Variants in HIVEP1 observed in about 807,000 individuals in gnomAD.
The protein encoded by HIVEP1 is zinc finger protein 40.
In HIVEP1, 36 loss-of-function variants were observed where a neutral mutation model predicts 180.0. That is an observed-to-expected ratio of 0.20 (90% confidence interval 0.15 to 0.26). The LOEUF is 0.26. Among genes scored for constraint, HIVEP1 ranks in the 10% least tolerant of loss-of-function variants. The pLI is 1.00. For missense variants in HIVEP1, 3,143 were observed against 3,268.7 expected (o/e 0.96, Z 0.94); for synonymous variants, 1,239 against 1,239.0 (o/e 1.00, Z 0.00).
At chr6:12,083,990 T>C (rs1262510629) in intron 2 of HIVEP1, among the ~76,000 whole-genome samples, 1 of 152,148 alleles carries the variant, frequency 6.6e-6, no homozygotes, top group East Asian at 1.9e-4. Flanking sequence ...TGAAATACTG[T>C]AGAATGCCTT....
Position 12,125,005 on chromosome 6 carries a change from A to G in HIVEP1, c.5210A>G (p.Gln1737Arg). 1 of 1,614,188 alleles carries G rather than the reference A, an allele frequency of 6.2e-7. No individual in the cohort carries two copies. The highest frequency in any genetic ancestry group is 8.5e-7 in the Non-Finnish European group (1 of 1,180,042). ...QKISVGRLSPQQESSASSKRM... is the reference protein window; with the variant it reads ...QKISVGRLSPRQESSASSKRM... The stretch of plus-strand genomic sequence containing the variant: ...ATATCTGTTGGTCGACTTTCCCCTC[A>G]ACAAGAATCTTCAGCTTCGAGTAAA... The change falls in exon 4 of 9, where the codon CAA becomes CGA. Residue 1737 changes from glutamine to arginine, a missense_variant. Physicochemically the swap from Gln to Arg is conservative, Grantham distance 43. Coordinates refer to ENST00000379388, the MANE Select transcript of HIVEP1 (RefSeq NM_002114.4).
chr6:12,129,291 C>T (rs906561631), intron 4 of HIVEP1, among the ~76,000 whole-genome samples: 5 of 152,168 alleles, frequency 3.3e-5, no homozygotes, highest in African/African-American at 9.7e-5. Flanking sequence ...TTATAATGCA[C>T]TGAAGCTGAA....
chr6:12,009,244 C>A (rs1395382847), upstream of HIVEP1, among the ~76,000 whole-genome samples: 1 of 150,186 alleles, frequency 6.7e-6, no homozygotes, highest in Non-Finnish European at 1.5e-5. Flanking sequence ...GGAACCCGAG[C>A]CGTGGACGCA....
intron 3 of HIVEP1, among the ~76,000 whole-genome samples, chr6:12,111,238 G>C (rs1774873294): frequency 6.6e-6 from 1 of 152,234 alleles, no homozygotes; most frequent in Non-Finnish European, 1.5e-5. Flanking sequence ...GCATATGTTT[G>C]GAGAAATGGT....
chr6:12,200,413 T>C, the HIVEP1 span, among the ~76,000 whole-genome samples: 2 of 152,248 alleles, frequency 1.3e-5, no homozygotes, highest in African/African-American at 2.4e-5. Flanking sequence ...GTTATGGAGC[T>C]GTAACACTGC....
chr6:12,206,850 A>G, the HIVEP1 span, among the ~76,000 whole-genome samples: 1 of 152,070 alleles, frequency 6.6e-6, no homozygotes, highest in African/African-American at 2.4e-5. Flanking sequence ...ATGTTGTCCA[A>G]ACCCTTTGCC....
chr6:12,163,424 C>T lies in HIVEP1; in HGVS notation c.7120C>T (p.Pro2374Ser), dbSNP rs61733060. The part of the protein sequence containing the change: ...QITLQPTPGL[P>S]SPHTHLFSHL... ...AACTCTACAGCCGACTCCAGGCTTG[C>T]CTTCTCCCCACACTCATTTGTTTAG... Residue 2374 changes from proline (P) to serine (S), a missense_variant, in exon 9 of 9, where the codon CCT becomes TCT. By Grantham distance (74) the Pro-to-Ser change is moderately conservative (BLOSUM62 -1). Around this residue, in one of 12 missense-constraint regions of HIVEP1, gnomAD observed 595 missense variants for 602.2 expected, o/e 0.99. Transcript: ENST00000379388. The T allele has an allele frequency of 2.1e-3, 3,336 of 1,614,146 alleles. 53 individuals are homozygous for T. In the African/African-American group the frequency reaches 0.035, roughly 17 times the overall value.
chr6:12,138,089 G>A (rs566360670), intron 7 of HIVEP1, among the ~76,000 whole-genome samples: 22 of 152,148 alleles, frequency 1.4e-4, no homozygotes, highest in African/African-American at 5.3e-4. Context: ...CTGCACTGGG[G>A]GTTTTCCTTT....
At chr6:12,134,925 A>G (rs906999845) in intron 6 of HIVEP1, among the ~76,000 whole-genome samples, 1 of 152,268 alleles carries the variant, frequency 6.6e-6, no homozygotes, top group African/African-American at 2.4e-5. Context: ...AATACTGTTT[A>G]TAAAATTACA....
chr6:12,122,500 T>A lies in HIVEP1; in HGVS notation c.2705T>A (p.Ile902Lys). The change falls in exon 4 of 9, where the codon ATA becomes AAA. Residue 902 changes from isoleucine (I) to lysine (K), a missense_variant. Ile to Lys is a moderately radical substitution (Grantham distance 102). Around this residue, in one of 12 missense-constraint regions of HIVEP1, gnomAD observed 204 missense variants for 243.7 expected, o/e 0.84. Coordinates refer to ENST00000379388, the MANE Select transcript of HIVEP1 (RefSeq NM_002114.4). The stretch of plus-strand genomic sequence containing the variant: ...CGTACACTTGTGAGACAAGCAGCCA[T>A]AGAAGACTCTTCAGCAAATGAAAGT... The part of the protein sequence containing the change: ...HPRTLVRQAA[I>K]EDSSANESHV... 6.2e-7 allele frequency: 1 copy of A among 1,614,178 alleles called. No homozygotes were observed.
At chr6:12,095,763 C>G (rs1334420227) in intron 3 of HIVEP1, among the ~76,000 whole-genome samples, 1 of 151,854 alleles carries the variant, frequency 6.6e-6, no homozygotes, top group African/African-American at 2.4e-5. Flanking sequence ...AATAACTTAA[C>G]CCAAGGGAGT....
chr6:12,183,978 TA>T, the HIVEP1 span, among the ~76,000 whole-genome samples: 9,017 of 71,178 alleles, frequency 0.13, 362 homozygotes, highest in African/African-American at 0.2. Context: ...ATTGTAAAGA[TA>T]GATAGATAGA....
chr6:12,060,798 G>T (rs1581603379), intron 2 of HIVEP1, among the ~76,000 whole-genome samples: 1 of 152,176 alleles, frequency 6.6e-6, no homozygotes, highest in South Asian at 2.1e-4. Flanking sequence ...CCATTAAACG[G>T]TTGGGAAGGT....
downstream of HIVEP1, among the ~76,000 whole-genome samples, chr6:12,166,785 C>T (rs1002002049): frequency 8.5e-5 from 13 of 152,096 alleles, no homozygotes; most frequent in Middle Eastern, 3.2e-3. Flanking sequence ...TGTGTGGAGA[C>T]CCAGGCCTGT....
At position 12,045,105 on chromosome 6, in the gene HIVEP1, A is replaced by T. The variant is rs181540037; in HGVS notation, c.40+29437A>T. 2.3e-3 allele frequency among the ~76,000 whole-genome samples: 343 copies of T among 152,284 alleles called. 3 individuals are homozygous for T. The highest frequency in any genetic ancestry group is 3.1e-3 in the Non-Finnish European group (214 of 68,018). On this transcript the variant is annotated intron_variant, in intron 2 of 8. Transcript: ENST00000379388. ...ACCAGGGTGATGAAACATTGTGTGGATCTTGGCTTTCTTCTAGCACAGTCA... is the reference window on the plus strand; with the variant it reads ...ACCAGGGTGATGAAACATTGTGTGGTTCTTGGCTTTCTTCTAGCACAGTCA...
chr6:12,146,001 A>G (rs1269189241), intron 7 of HIVEP1, among the ~76,000 whole-genome samples: 2 of 152,252 alleles, frequency 1.3e-5, no homozygotes, highest in Non-Finnish European at 2.9e-5. Context: ...CTAATAGGAT[A>G]TGTAAGAACA....
chr6:12,033,893 G>A (rs1484829979), intron 2 of HIVEP1, among the ~76,000 whole-genome samples: 7 of 152,110 alleles, frequency 4.6e-5, no homozygotes, highest in East Asian at 3.9e-4. Flanking sequence ...TTTAAATTTC[G>A]CAACATAGGC....
the HIVEP1 span, among the ~76,000 whole-genome samples, chr6:12,172,231 T>C: frequency 6.6e-6 from 1 of 152,240 alleles, no homozygotes; most frequent in Non-Finnish European, 1.5e-5. Context: ...TAGGGCTGTC[T>C]CATTCCATCA....
At chr6:12,024,005 GCTTTA>G (rs1436848291) in intron 2 of HIVEP1, among the ~76,000 whole-genome samples, 1 of 152,114 alleles carries the variant, frequency 6.6e-6, no homozygotes, top group Non-Finnish European at 1.5e-5. Context: ...TAAATTAAGT[GCTTTA>G]CTTTTTCATG....
Sources: gnomAD v4.1 joint callset for allele counts (sites outside exome capture counted in the v4.1 genomes callset) on GRCh38, gnomAD v4.1.1 for gene constraint, gnomAD v4.1.1 regional missense constraint, MANE v1.5 for transcripts, NCBI Gene and HGNC (gene_info 2026-07-23, HGNC 2026-07-21) for gene names.